ZFYVE9: variants seen among roughly 807,000 people sequenced by gnomAD.
ZFYVE9 encodes zinc finger FYVE domain-containing protein 9.
ZFYVE9 carries 43 observed loss-of-function variants against 126.7 expected under a neutral mutation model. That is an observed-to-expected ratio of 0.34 (90% CI 0.27 to 0.44). ZFYVE9 has a LOEUF of 0.44. Among genes scored for constraint, ZFYVE9 ranks in the 20% least tolerant of loss-of-function variants. The pLI, the probability that ZFYVE9 is intolerant of heterozygous loss-of-function variation, is 1.00. For synonymous variants in ZFYVE9, 521 were observed against 597.4 expected (o/e 0.87, Z 1.87); for missense variants, 1,476 against 1,697.0 (o/e 0.87, Z 2.29).
chr1:52,287,547 C>G (rs150543845), intron 10 of ZFYVE9, among the ~76,000 whole-genome samples: 19 of 152,158 alleles, frequency 1.2e-4, no homozygotes, highest in African/African-American at 4.6e-4. Flanking sequence ...GCCATGAGGG[C>G]TTCACCCTCA....
intron 2 of ZFYVE9, among the ~76,000 whole-genome samples, chr1:52,232,187 A>G (rs113236815): frequency 2.0e-5 from 3 of 152,168 alleles, no homozygotes; most frequent in African/African-American, 7.2e-5. Flanking sequence ...CCTGTATTAT[A>G]TCAATAAGAA....
At chr1:52,178,136 G>T (rs963723129) in intron 1 of ZFYVE9, among the ~76,000 whole-genome samples, 1 of 151,554 alleles carries the variant, frequency 6.6e-6, no homozygotes, top group African/African-American at 2.4e-5. Context: ...AAAATTAGCT[G>T]GGTGTGGTGG....
Position 52,340,227 on chromosome 1 carries a change from C to G in ZFYVE9, c.3935C>G (p.Thr1312Arg), listed in dbSNP as rs1180116350. Reference protein sequence around the residue: ...YKANGKVIRWTEVFFLENDDQ... With the variant: ...YKANGKVIRWREVFFLENDDQ... Reference sequence around the variant, plus strand: ...GCAAATGGAAAAGTAATCAGATGGACAGAGGTAAGGAAATGAAACTTGGCA... The same window carrying G: ...GCAAATGGAAAAGTAATCAGATGGAGAGAGGTAAGGAAATGAAACTTGGCA... Residue 1312 changes from threonine (T) to arginine (R), a missense_variant, in exon 17 of 19, where the codon ACA (threonine) becomes AGA (arginine). Physicochemically the swap from Thr to Arg is moderately conservative, Grantham distance 71. Coordinates refer to ENST00000287727, the MANE Select transcript of ZFYVE9 (RefSeq NM_004799.4). 5 of 1,612,430 alleles carry G rather than the reference C, an allele frequency of 3.1e-6. No homozygotes were observed. Among genetic ancestry groups the G allele is most frequent in the Middle Eastern group, 1.7e-4 (1 of 6,060 alleles).
intron 13 of ZFYVE9, among the ~76,000 whole-genome samples, chr1:52,320,714 G>T (rs1476042056): frequency 6.6e-6 from 1 of 152,126 alleles, no homozygotes; most frequent in Non-Finnish European, 1.5e-5. Context: ...GTGACCTTTG[G>T]CTTGAAGGAG....
At chr1:52,204,780 T>C (rs902446598) in intron 1 of ZFYVE9, among the ~76,000 whole-genome samples, 7 of 151,980 alleles carry the variant, frequency 4.6e-5, no homozygotes, top group Non-Finnish European at 8.8e-5. Context: ...TTCAAAATGG[T>C]TCCCTTTCCC....
At chr1:52,281,445 C>T (rs1645804886) in intron 9 of ZFYVE9, among the ~76,000 whole-genome samples, 1 of 152,078 alleles carries the variant, frequency 6.6e-6, no homozygotes, top group South Asian at 2.1e-4. Context: ...AATCATTTTT[C>T]CAAGTGTTTA....
chr1:52,276,158 G>A (rs990673817), intron 8 of ZFYVE9, among the ~76,000 whole-genome samples: 2 of 151,816 alleles, frequency 1.3e-5, no homozygotes, highest in Non-Finnish European at 2.9e-5. Context: ...TGCCCACCTC[G>A]GCCTCCCAAA....
rs1174085720 is a variant in ZFYVE9 at position 52,327,125 on chromosome 1, C to CA, written c.3439-5642dup. 2.0e-5 allele frequency among the ~76,000 whole-genome samples: 3 copies of CA among 152,170 alleles called. No homozygotes were observed. In the East Asian group the frequency reaches 5.8e-4, roughly 30 times the overall value. ...GCAGTGAGCCGAGATTGCACCACTA[C>CA]ACTCCAGCCTGGTGACAGAGTGAGA... On this transcript the variant is annotated intron_variant, in intron 13 of 18. Coordinates refer to ENST00000287727, the MANE Select transcript of ZFYVE9 (RefSeq NM_004799.4).
Position 52,214,979 on chromosome 1 carries a change from A to C in ZFYVE9, c.-142-1390A>C, listed in dbSNP as rs1231956687. Among the ~76,000 whole-genome samples, 4 of 152,228 alleles carry C rather than the reference A, an allele frequency of 2.6e-5. No homozygotes were observed. In the South Asian group the frequency reaches 6.2e-4, roughly 24 times the overall value. On this transcript the variant is annotated intron_variant, in intron 1 of 18. Transcript: ENST00000287727. ...TCAGTACACTGATTCAAATGAGATT[A>C]GCTCATCCAGAAACACCCTCACAGA...
intron 1 of ZFYVE9, among the ~76,000 whole-genome samples, chr1:52,176,252 A>G (rs1362112403): frequency 1.3e-5 from 2 of 152,188 alleles, no homozygotes; most frequent in Admixed American, 1.3e-4. Context: ...GGAGTTTGCT[A>G]GAGGTCCACT....
intron 4 of ZFYVE9, chr1:52,254,008 A>C (rs1183453833): frequency 2.6e-6 from 2 of 776,224 alleles, no homozygotes; most frequent in Non-Finnish European, 4.6e-6. Context: ...TAATCATAGG[A>C]AGCCAACTTG....
chr1:52,249,188 A>G (rs1475761314), intron 4 of ZFYVE9, among the ~76,000 whole-genome samples: 1 of 152,154 alleles, frequency 6.6e-6, no homozygotes, highest in Non-Finnish European at 1.5e-5. Flanking sequence ...CCTTCCAGTC[A>G]TGTTCCCTGT....
At chr1:52,309,356 G>A (rs1367778309) in intron 13 of ZFYVE9, among the ~76,000 whole-genome samples, 8 of 152,140 alleles carry the variant, frequency 5.3e-5, no homozygotes, top group East Asian at 1.9e-4. Flanking sequence ...CGCATGCCCC[G>A]TAGTCCCAGC....
intron 1 of ZFYVE9, among the ~76,000 whole-genome samples, chr1:52,167,640 G>C (rs574059041): frequency 6.6e-6 from 1 of 152,200 alleles, no homozygotes; most frequent in African/African-American, 2.4e-5. Flanking sequence ...CCACTTCTCA[G>C]AAACACCTCA....
Position 52,325,058 on chromosome 1 carries a change from T to G in ZFYVE9, c.3439-7710T>G, listed in dbSNP as rs561324775. 6.6e-5 allele frequency among the ~76,000 whole-genome samples: 10 copies of G among 152,274 alleles called. No homozygotes were observed. The South Asian group carries it at 2.1e-3, about 32-fold the overall frequency. The stretch of plus-strand genomic sequence containing the variant: ...ACTTTGGGAGGCTGAGGCGGGCGGA[T>G]CATGAGGTCAGGAGATCAAGACCAT... On this transcript the variant is annotated intron_variant, in intron 13 of 18. Coordinates refer to ENST00000287727, the MANE Select transcript of ZFYVE9 (RefSeq NM_004799.4).
intron 1 of ZFYVE9, among the ~76,000 whole-genome samples, chr1:52,208,534 T>A (rs146531247): frequency 9.5e-4 from 143 of 150,572 alleles, no homozygotes; most frequent in African/African-American, 3.3e-3. Flanking sequence ...GGAGTTTTGC[T>A]CTTGTTGCCC....
At position 52,266,723 on chromosome 1, in the gene ZFYVE9, T is replaced by G; in HGVS notation, c.2347T>G (p.Cys783Gly). Residue 783 changes from cysteine to glycine, a missense_variant, in exon 6 of 19, where the codon TGT becomes GGT. Cys to Gly is a radical substitution (Grantham distance 159). Transcript: ENST00000287727. ...SPNPNNPAEY[C>G]STIPPLQQAQ... is the part of the protein sequence containing the mutation. The stretch of plus-strand genomic sequence containing the variant: ...TAACCCTAACAATCCTGCTGAATAC[T>G]GTTCTACTATCCCTCCCTTGCAGCA... 1 of 1,612,536 alleles carries G rather than the reference T, an allele frequency of 6.2e-7. No homozygotes were observed. Among genetic ancestry groups the G allele is most frequent in the Non-Finnish European group, 8.5e-7 (1 of 1,179,368 alleles).
intron 13 of ZFYVE9, among the ~76,000 whole-genome samples, chr1:52,321,546 A>G (rs1337843886): frequency 2.0e-5 from 3 of 152,210 alleles, no homozygotes; most frequent in African/African-American, 7.2e-5. Context: ...CTGTACCTCC[A>G]CTGACTGCAA....
intron 13 of ZFYVE9, among the ~76,000 whole-genome samples, chr1:52,321,607 C>T (rs1169967209): frequency 6.6e-6 from 1 of 152,202 alleles, no homozygotes; most frequent in Non-Finnish European, 1.5e-5. Context: ...TGTCTTCTCT[C>T]TTGTGTACAT....
Sources: allele counts gnomAD v4.1 joint callset (sites outside exome capture counted in the v4.1 genomes callset), GRCh38; gene constraint gnomAD v4.1.1; transcripts MANE v1.5; gene names NCBI Gene and HGNC (gene_info 2026-07-23, HGNC 2026-07-21).